The following SRPK2 variants were observed in gnomAD, a reference collection of about 807,000 sequenced individuals.
SRPK2 encodes the protein SFRS protein kinase 2.
In SRPK2, 21 loss-of-function variants were observed where a neutral mutation model predicts 90.8. The observed-to-expected ratio is 0.23, with a 90% CI of 0.16 to 0.33. SRPK2 has a LOEUF of 0.33. Among genes scored for constraint, SRPK2 ranks in the 10% least tolerant of loss-of-function variants. The pLI is 1.00. For missense variants in SRPK2, 620 were observed against 869.0 expected (o/e 0.71, Z 3.60); for synonymous variants, 288 against 311.1 (o/e 0.93, Z 0.78).
At chr7:105,381,748 G>A (rs1820974364) in intron 2 of SRPK2, among the ~76,000 whole-genome samples, 1 of 152,144 alleles carries the variant, frequency 6.6e-6, no homozygotes, top group Admixed American at 6.6e-5. Flanking sequence ...ATGAAAATTA[G>A]GTAATCCATG....
At chr7:105,375,823 C>A (rs1242267327) in intron 2 of SRPK2, among the ~76,000 whole-genome samples, 2 of 151,796 alleles carry the variant, frequency 1.3e-5, no homozygotes, top group Admixed American at 1.3e-4. Flanking sequence ...TATTCCAGAA[C>A]GGTATGGAGA....
chr7:105,150,422 C>T (rs922418669), intron 7 of SRPK2, among the ~76,000 whole-genome samples: 1 of 152,172 alleles, frequency 6.6e-6, no homozygotes, highest in African/African-American at 2.4e-5. Flanking sequence ...GTAATCCCAG[C>T]TACTCAAGAG....
intron 3 of SRPK2, among the ~76,000 whole-genome samples, chr7:105,174,920 G>C (rs1791636594): frequency 6.6e-6 from 1 of 152,144 alleles, no homozygotes; most frequent in Non-Finnish European, 1.5e-5. Flanking sequence ...GAGGCAGGTG[G>C]ATCACCTGAA....
At chr7:105,352,279 C>T (rs528271262) in intron 2 of SRPK2, among the ~76,000 whole-genome samples, 44 of 152,196 alleles carry the variant, frequency 2.9e-4, no homozygotes, top group Non-Finnish European at 5.0e-4. Flanking sequence ...TTCTAACAAA[C>T]GTGGCAGAAG....
chr7:105,239,629 G>C (rs1032940788), intron 2 of SRPK2, among the ~76,000 whole-genome samples: 10 of 152,102 alleles, frequency 6.6e-5, no homozygotes, highest in African/African-American at 2.4e-4. Context: ...TCTGGGATGA[G>C]AGCAAAAAAA....
chr7:105,235,979 G>A (rs1249100426), intron 2 of SRPK2, among the ~76,000 whole-genome samples: 1 of 152,192 alleles, frequency 6.6e-6, no homozygotes, highest in Non-Finnish European at 1.5e-5. Context: ...TAGAGGAAAA[G>A]CAAAAGGAAA....
At chr7:105,336,319 G>A (rs964007083) in intron 2 of SRPK2, among the ~76,000 whole-genome samples, 8 of 152,120 alleles carry the variant, frequency 5.3e-5, no homozygotes, top group African/African-American at 1.9e-4. Flanking sequence ...ATGGTGGCTT[G>A]ACTTTTGACA....
chr7:105,326,491 G>C (rs1813609014), intron 2 of SRPK2, among the ~76,000 whole-genome samples: 1 of 152,092 alleles, frequency 6.6e-6, no homozygotes, highest in Non-Finnish European at 1.5e-5. Flanking sequence ...GCACTGATTT[G>C]CCCAATATTA....
downstream of SRPK2, among the ~76,000 whole-genome samples, chr7:105,115,804 A>G (rs1484369217): frequency 1.3e-5 from 2 of 152,184 alleles, no homozygotes; most frequent in Non-Finnish European, 2.9e-5. Flanking sequence ...CAAGTATACT[A>G]TCACCCTGAT....
At chr7:105,221,399 A>T (rs767179247) in intron 2 of SRPK2, among the ~76,000 whole-genome samples, 2 of 152,178 alleles carry the variant, frequency 1.3e-5, no homozygotes, top group African/African-American at 2.4e-5. Flanking sequence ...CACCAATCTT[A>T]TTCTTTCTCC....
chr7:105,331,206 G>A (rs774469699), intron 2 of SRPK2, among the ~76,000 whole-genome samples: 1 of 149,424 alleles, frequency 6.7e-6, no homozygotes, highest in African/African-American at 2.5e-5. Flanking sequence ...CTACGTGGGA[G>A]GCTGAGGCAG....
chr7:105,271,503 C>T (rs1419038417), intron 2 of SRPK2, among the ~76,000 whole-genome samples: 2 of 152,222 alleles, frequency 1.3e-5, no homozygotes, highest in African/African-American at 4.8e-5. Context: ...TCTGTCTATG[C>T]TACCATCAAC....
In SRPK2 at chr7:105,132,884, C is replaced by T. The variant is rs564092328; in HGVS notation, c.1659G>A (p.Thr553=). 404 of 1,612,386 alleles carry T rather than the reference C, an allele frequency of 2.5e-4. 3 individuals carry two copies. In the South Asian group the frequency reaches 4.1e-3, roughly 16 times the overall value. ...GGTACTGACGCGTCTGGATGTCTTC[C>T]GTGAAGTGTTTATGCTGGAAGGGAA... The part of the protein sequence containing the change: ...GNACWVHKHF[T]EDIQTRQYRS... Residue 553 remains threonine (T), a synonymous_variant, in exon 13 of 16, where the codon ACG becomes ACA. Transcript: ENST00000393651.
chr7:105,264,475 G>C (rs1804768756), intron 2 of SRPK2, among the ~76,000 whole-genome samples: 1 of 152,114 alleles, frequency 6.6e-6, no homozygotes, highest in Non-Finnish European at 1.5e-5. Flanking sequence ...GTAGAATATA[G>C]GCCACAGCAT....
chr7:105,230,326 G>A (rs970294507), intron 2 of SRPK2, among the ~76,000 whole-genome samples: 1 of 152,200 alleles, frequency 6.6e-6, no homozygotes, highest in African/African-American at 2.4e-5. Flanking sequence ...CATTCCACCA[G>A]CTGGGCAGCA....
chr7:105,256,809 T>C (rs1383161939), intron 2 of SRPK2, among the ~76,000 whole-genome samples: 1 of 152,220 alleles, frequency 6.6e-6, no homozygotes, highest in African/African-American at 2.4e-5. Context: ...GATGGTGTCA[T>C]CATCTCCAGT....
At chr7:105,247,531 AACACACACACACACAC>A (rs59040708) in intron 2 of SRPK2, among the ~76,000 whole-genome samples, 3 of 145,160 alleles carry the variant, frequency 2.1e-5, no homozygotes, top group African/African-American at 5.1e-5. Context: ...CACACACATA[AACACACACACACACAC>A]ACACACACAC....
intron 2 of SRPK2, among the ~76,000 whole-genome samples, chr7:105,373,163 C>T (rs1819887822): frequency 6.6e-6 from 1 of 151,980 alleles, no homozygotes; most frequent in East Asian, 1.9e-4. Context: ...ATCCTTAGTT[C>T]CAACATAGAT....
At chr7:105,378,373 G>C (rs1284622259) in intron 2 of SRPK2, among the ~76,000 whole-genome samples, 2 of 152,020 alleles carry the variant, frequency 1.3e-5, no homozygotes, top group East Asian at 3.9e-4. Context: ...AAATCAGTAA[G>C]AAAAACTTAC....
Sources: allele counts gnomAD v4.1 joint callset (sites outside exome capture counted in the v4.1 genomes callset), GRCh38; gene constraint gnomAD v4.1.1; transcripts MANE v1.5; gene names NCBI Gene and HGNC (gene_info 2026-07-23, HGNC 2026-07-21).